Variants in RUNDC3B observed in about 807,000 individuals in gnomAD.
RUNDC3B encodes RUN domain containing 3B, also known as RUN domain-containing protein 3B.
A neutral mutation model predicts 58.4 loss-of-function variants in RUNDC3B; 33 were observed. The observed-to-expected ratio is 0.56, with a 90% CI of 0.43 to 0.75. RUNDC3B has a LOEUF of 0.75. RUNDC3B is among the 30% of genes least tolerant of loss of function. The pLI, the probability that RUNDC3B is intolerant of heterozygous loss-of-function variation, is 0.00. For synonymous variants in RUNDC3B, 193 were observed against 195.2 expected (o/e 0.99, Z 0.10); for missense variants, 501 against 535.7 (o/e 0.94, Z 0.64).
intron 1 of RUNDC3B, among the ~76,000 whole-genome samples, chr7:87,643,769 T>C (rs1014997682): frequency 2.0e-5 from 3 of 151,868 alleles, no homozygotes; most frequent in Non-Finnish European, 4.4e-5. Context: ...TCAGGCAATC[T>C]GCCTGCCTCA....
intron 1 of RUNDC3B, among the ~76,000 whole-genome samples, chr7:87,649,494 A>C (rs1823358618): frequency 6.6e-6 from 1 of 152,212 alleles, no homozygotes; most frequent in East Asian, 1.9e-4. Flanking sequence ...AAATGCAAAT[A>C]AAATGTTTGT....
At chr7:87,750,711 C>A (rs1832925001) in intron 6 of RUNDC3B, among the ~76,000 whole-genome samples, 1 of 150,804 alleles carries the variant, frequency 6.6e-6, no homozygotes, top group Admixed American at 6.6e-5. Flanking sequence ...CCTTCGCCCA[C>A]TTTTTGATGG....
chr7:87,823,169 G>T (rs1245284843), intron 10 of RUNDC3B, among the ~76,000 whole-genome samples: 1 of 151,990 alleles, frequency 6.6e-6, no homozygotes, highest in East Asian at 1.9e-4. Flanking sequence ...CCTTTAGCCA[G>T]ATCTATTACC....
chr7:87,787,541 G>A (rs1158607066), intron 8 of RUNDC3B, among the ~76,000 whole-genome samples: 11 of 152,112 alleles, frequency 7.2e-5, no homozygotes, highest in Admixed American at 1.3e-4. Context: ...TGATTATGTC[G>A]TTGAATACTC....
intron 10 of RUNDC3B, among the ~76,000 whole-genome samples, chr7:87,823,452 T>C (rs1025381099): frequency 3.3e-5 from 5 of 151,994 alleles, no homozygotes; most frequent in African/African-American, 7.3e-5. Context: ...TATTGGGAAA[T>C]AGGGGATGTT....
At chr7:87,782,502 T>C (rs1834982778) in intron 8 of RUNDC3B, among the ~76,000 whole-genome samples, 1 of 152,226 alleles carries the variant, frequency 6.6e-6, no homozygotes, top group South Asian at 2.1e-4. Flanking sequence ...ATTTCTTTTC[T>C]TCTTCTAGCT....
chr7:87,695,053 G>A (rs535285216), intron 2 of RUNDC3B, among the ~76,000 whole-genome samples: 20 of 152,204 alleles, frequency 1.3e-4, no homozygotes, highest in African/African-American at 4.6e-4. Context: ...TGATATACTT[G>A]AAGTGTCCTG....
intron 2 of RUNDC3B, among the ~76,000 whole-genome samples, chr7:87,688,686 CAT>C (rs899045297): frequency 9.2e-5 from 14 of 151,810 alleles, no homozygotes; most frequent in African/African-American, 3.1e-4. Context: ...TGTTTTAAAA[CAT>C]ATGAAATATT....
chr7:87,634,064 C>A (rs568200844), intron 1 of RUNDC3B, among the ~76,000 whole-genome samples: 1 of 152,162 alleles, frequency 6.6e-6, no homozygotes, highest in African/African-American at 2.4e-5. Context: ...ACCCAAAGGG[C>A]ATTCTGGTTT....
chr7:87,806,211 A>G (rs1836426562), intron 8 of RUNDC3B, among the ~76,000 whole-genome samples: 1 of 152,162 alleles, frequency 6.6e-6, no homozygotes. Flanking sequence ...GCACACAGAT[A>G]CCCCATAAAA....
chr7:87,725,814 T>C (rs1421112165), intron 4 of RUNDC3B, among the ~76,000 whole-genome samples: 4 of 152,212 alleles, frequency 2.6e-5, no homozygotes, highest in African/African-American at 7.2e-5. Flanking sequence ...CTCACTGTGG[T>C]TTTGATTTGC....
chr7:87,733,658 C>A (rs1421188303), intron 4 of RUNDC3B, among the ~76,000 whole-genome samples: 1 of 152,180 alleles, frequency 6.6e-6, no homozygotes, highest in Non-Finnish European at 1.5e-5. Flanking sequence ...CAGGATGAAA[C>A]TGTTCCACCT....
At chr7:87,641,756 G>T (rs2130298816) in intron 1 of RUNDC3B, among the ~76,000 whole-genome samples, 1 of 152,266 alleles carries the variant, frequency 6.6e-6, no homozygotes, top group East Asian at 1.9e-4. Context: ...CCCACATTTT[G>T]TTGTTTTAGC....
intron 8 of RUNDC3B, among the ~76,000 whole-genome samples, chr7:87,794,312 G>A (rs1292292694): frequency 6.6e-6 from 1 of 152,306 alleles, no homozygotes; most frequent in East Asian, 1.9e-4. Context: ...GCACATGCCT[G>A]TAGTCCTAGC....
intron 8 of RUNDC3B, among the ~76,000 whole-genome samples, chr7:87,778,864 A>G (rs929366450): frequency 4.6e-5 from 7 of 152,198 alleles, no homozygotes; most frequent in Non-Finnish European, 1.0e-4. Flanking sequence ...TTAATATTTA[A>G]TCTTAAAAAA....
intron 4 of RUNDC3B, among the ~76,000 whole-genome samples, chr7:87,728,428 A>G (rs555461219): frequency 8.9e-4 from 136 of 152,318 alleles, no homozygotes; most frequent in African/African-American, 3.2e-3. Flanking sequence ...AACAATACCA[A>G]TTATTATTTT....
chr7:87,676,481 G>T (rs1355425736), intron 2 of RUNDC3B, among the ~76,000 whole-genome samples: 2 of 152,116 alleles, frequency 1.3e-5, no homozygotes, highest in Non-Finnish European at 2.9e-5. Flanking sequence ...CAGGTGGATT[G>T]CTTGAGGTCA....
intron 2 of RUNDC3B, among the ~76,000 whole-genome samples, chr7:87,653,505 CAG>C (rs1158997190): frequency 6.6e-6 from 1 of 152,056 alleles, no homozygotes; most frequent in Non-Finnish European, 1.5e-5. Flanking sequence ...GTATTTCTAA[CAG>C]GGGGACATAT....
chr7:87,769,546 A>G (rs747644887), intron 6 of RUNDC3B, among the ~76,000 whole-genome samples: 3 of 151,896 alleles, frequency 2.0e-5, no homozygotes, highest in Non-Finnish European at 4.4e-5. Flanking sequence ...GACTATTTTT[A>G]TGCTTCTACT....
Sources: allele counts gnomAD v4.1 joint callset (sites outside exome capture counted in the v4.1 genomes callset), GRCh38; gene constraint gnomAD v4.1.1; transcripts MANE v1.5; gene names NCBI Gene and HGNC (gene_info 2026-07-23, HGNC 2026-07-21).